The following MTHFS variants were observed in gnomAD, a reference collection of about 807,000 sequenced individuals.
MTHFS encodes 5-formyltetrahydrofolate cyclo-ligase.
A neutral mutation model predicts 12.7 loss-of-function variants in MTHFS; 7 were observed. The observed-to-expected ratio is 0.55, with a 90% CI of 0.31 to 1.03. The LOEUF (loss-of-function observed/expected upper bound fraction) is 1.03, where lower values mean the gene tolerates loss of function less well. MTHFS is among the 50% of genes least tolerant of loss of function. The probability of loss-of-function intolerance (pLI) is 0.05; values close to 1 mark genes in which losing one functional copy is unlikely to be tolerated. For missense variants in MTHFS, 252 were observed against 258.1 expected, an observed-to-expected ratio of 0.98 and a Z score of 0.16; for synonymous variants, 100 against 97.1, an observed-to-expected ratio of 1.03 and a Z score of -0.18.
intron 1 of MTHFS, among the ~76,000 whole-genome samples, chr15:79,891,468 A>G (rs1258006339): frequency 1.3e-5 from 2 of 152,206 alleles, no homozygotes; most frequent in African/African-American, 4.8e-5. Context: ...ATAGACTGCT[A>G]TGGGGAGGAA....
rs777154835 is a variant in MTHFS at position 79,845,343 on chromosome 15, C to T, written c.479G>A (p.Cys160Tyr). The change falls in exon 3 of 3, where the codon TGT (cysteine) becomes TAT (tyrosine). Residue 160 changes from cysteine to tyrosine, a missense_variant. Physicochemically the swap from Cys to Tyr is radical, Grantham distance 194. Transcript: ENST00000258874. ...KGYYDAYLKR[C>Y]LQHQEVKPYT... ...GGGCTTCACTTCCTGATGCTGCAAA[C>T]AGCGCTTCAGATAGGCATCATAGTA... 1.2e-6 allele frequency: 2 copies of T among 1,614,166 alleles called. No individual in the cohort carries two copies. Among genetic ancestry groups the T allele is most frequent in the East Asian group, 2.2e-5 (1 of 44,882 alleles).
Position 79,844,898 on chromosome 15 carries a change from T to C in MTHFS, c.*312A>G. ...AAGTTTACCTTCCTCTCGCACTCAG[T>C]CGGAGCACAGTTCCTCATAAATATT... On this transcript the variant is annotated 3_prime_UTR_variant, in exon 3 of 3. Coordinates refer to ENST00000258874, the MANE Select transcript of MTHFS (RefSeq NM_006441.4). 5.7e-6 allele frequency: 2 copies of C among 351,784 alleles called. No homozygotes were observed. Among genetic ancestry groups the C allele is most frequent in the Non-Finnish European group, 1.1e-5 (2 of 189,492 alleles). 21.8% of individuals were successfully genotyped at this position (351,784 alleles called of 1,614,324 possible).
intron 2 of MTHFS, among the ~76,000 whole-genome samples, chr15:79,867,429 T>A (rs992787767): frequency 2.0e-5 from 3 of 152,100 alleles, no homozygotes; most frequent in South Asian, 2.1e-4. Context: ...GTATGTATAT[T>A]ACCATATGTC....
Position 79,869,372 on chromosome 15 carries a change from T to A in MTHFS, c.379+19721A>T, listed in dbSNP as rs182146358. ...CAATGATATTTGAGAATATGCTGCA[T>A]CTATAATATAAAATTAGAAAACACA... On this transcript the variant is annotated intron_variant, in intron 2 of 2. Coordinates refer to ENST00000258874, the MANE Select transcript of MTHFS (RefSeq NM_006441.4). 6.1e-4 allele frequency among the ~76,000 whole-genome samples: 92 copies of A among 151,852 alleles called. 3 individuals are homozygous for A. The East Asian group carries it at 0.015, about 25-fold the overall frequency.
At chr15:79,868,648 G>C (rs531285536) in intron 2 of MTHFS, among the ~76,000 whole-genome samples, 17 of 152,322 alleles carry the variant, frequency 1.1e-4, no homozygotes, top group African/African-American at 4.1e-4. Context: ...GAAGGAATTT[G>C]TCCCTTCTTT....
chr15:79,875,359 G>A (rs2034176073), intron 2 of MTHFS, among the ~76,000 whole-genome samples: 3 of 151,912 alleles, frequency 2.0e-5, no homozygotes, highest in Non-Finnish European at 4.4e-5. Flanking sequence ...AGGCCAGAAG[G>A]CAGTGAAAAT....
At chr15:79,861,430 G>C (rs1258184146) in intron 2 of MTHFS, among the ~76,000 whole-genome samples, 1 of 152,130 alleles carries the variant, frequency 6.6e-6, no homozygotes, top group East Asian at 1.9e-4. Context: ...AGTCATTAAT[G>C]CACGTTCATT....
chr15:79,880,436 T>G (rs1256029584), intron 2 of MTHFS, among the ~76,000 whole-genome samples: 2 of 151,928 alleles, frequency 1.3e-5, no homozygotes, highest in African/African-American at 4.8e-5. Flanking sequence ...AGATGACGAT[T>G]AACATAAAAG....
chr15:79,882,621 G>GC (rs2034314903), intron 2 of MTHFS, among the ~76,000 whole-genome samples: 1 of 152,224 alleles, frequency 6.6e-6, no homozygotes, highest in Non-Finnish European at 1.5e-5. Context: ...ACAGGGTGCA[G>GC]CAAGAGCCAA....
intron 2 of MTHFS, 144 bp downstream of exon 2, chr15:79,888,949 T>C: frequency 7.8e-7 from 1 of 1,278,468 alleles, no homozygotes; most frequent in Non-Finnish European, 1.1e-6. Flanking sequence ...CTAAACCAGG[T>C]AATACAGGTG....
chr15:79,889,201 C>A lies in MTHFS; in HGVS notation c.271G>T (p.Asp91Tyr). 6.2e-7 allele frequency: 1 copy of A among 1,614,164 alleles called. No homozygotes were observed. Among genetic ancestry groups the A allele is most frequent in the East Asian group, 2.2e-5 (1 of 44,884 alleles). The change falls in exon 2 of 3, where the codon GAT (aspartate) becomes TAT (tyrosine). Residue 91 changes from aspartate (D) to tyrosine (Y), a missense_variant. Coordinates refer to ENST00000258874, the MANE Select transcript of MTHFS (RefSeq NM_006441.4). ...PRYRFQSNHM[D>Y]MVRIESPEEI... ...TCTGGTGATTCTATTCTCACCATAT[C>A]CATGTGATTGCTCTGGAACCGGTAC...
At chr15:79,859,878 A>G (rs1397802674) in intron 2 of MTHFS, among the ~76,000 whole-genome samples, 1 of 152,074 alleles carries the variant, frequency 6.6e-6, no homozygotes, top group African/African-American at 2.4e-5. Context: ...GATTCAAATA[A>G]AAATTCAAAA....
intron 2 of MTHFS, among the ~76,000 whole-genome samples, chr15:79,847,101 G>GAC (rs2033632346): frequency 6.6e-6 from 1 of 152,174 alleles, no homozygotes; most frequent in African/African-American, 2.4e-5. Flanking sequence ...AACGCTGGGT[G>GAC]GTCAGGGAAG....
At chr15:79,874,500 G>A (rs936084273) in intron 2 of MTHFS, among the ~76,000 whole-genome samples, 3 of 152,082 alleles carry the variant, frequency 2.0e-5, no homozygotes, top group African/African-American at 7.3e-5. Flanking sequence ...CCCTGAAAAG[G>A]TGCATTGTCA....
intron 1 of MTHFS, among the ~76,000 whole-genome samples, chr15:79,894,458 T>C (rs1400324967): frequency 2.7e-4 from 41 of 152,220 alleles, no homozygotes; most frequent in Non-Finnish European, 7.3e-5. Context: ...TATATTTGTT[T>C]GTACAGAGTA....
chr15:79,896,706 C>T, intron 1 of MTHFS, 166 bp downstream of exon 1: 1 of 1,261,102 alleles, frequency 7.9e-7, no homozygotes, highest in Non-Finnish European at 1.0e-6. Flanking sequence ...GTCCAGACCA[C>T]GACTAGGGGG....
intron 2 of MTHFS, among the ~76,000 whole-genome samples, chr15:79,846,059 C>CA (rs1452295457): frequency 6.6e-6 from 1 of 152,214 alleles, no homozygotes; most frequent in Non-Finnish European, 1.5e-5. Flanking sequence ...TCTCTGGCTA[C>CA]AACCCTCTCA....
intron 2 of MTHFS, among the ~76,000 whole-genome samples, chr15:79,872,413 G>T (rs28607646): frequency 6.6e-6 from 1 of 152,172 alleles, no homozygotes; most frequent in Admixed American, 6.5e-5. Flanking sequence ...CAGGACAGGT[G>T]AGCCCCAAAA....
intron 1 of MTHFS, among the ~76,000 whole-genome samples, chr15:79,893,651 T>C (rs926932957): frequency 3.5e-5 from 5 of 142,004 alleles, no homozygotes; most frequent in Admixed American, 7.3e-5. Context: ...TAAGCCGAGA[T>C]CACGCCACTG....
Sources: gnomAD v4.1 joint callset for allele counts (sites outside exome capture counted in the v4.1 genomes callset) on GRCh38, gnomAD v4.1.1 for gene constraint, MANE v1.5 for transcripts, NCBI Gene and HGNC (gene_info 2026-07-23, HGNC 2026-07-21) for gene names.